GABBR2: variants seen among roughly 807,000 people sequenced by gnomAD.
The protein encoded by GABBR2 is gamma-aminobutyric acid type B receptor subunit 2, also known as G-protein coupled receptor 51.
GABBR2 carries 23 observed loss-of-function variants against 105.6 expected under a neutral mutation model. The ratio of observed to expected loss-of-function variants is 0.22; its 90% CI spans 0.16 to 0.31. The LOEUF (loss-of-function observed/expected upper bound fraction) is 0.31. Ranked by LOEUF, GABBR2 falls within the 10% of genes least tolerant of loss-of-function variation. The pLI is 1.00. For missense variants in GABBR2, 734 were observed against 1,245.5 expected, an observed-to-expected ratio of 0.59 and a Z score of 6.18; for synonymous variants, 478 against 499.7, an observed-to-expected ratio of 0.96 and a Z score of 0.58.
chr9:98,376,593 G>T (rs111764342), intron 11 of GABBR2, among the ~76,000 whole-genome samples: 8 of 152,330 alleles, frequency 5.3e-5, no homozygotes, highest in African/African-American at 1.9e-4. Flanking sequence ...GGGAAGCTGA[G>T]AGGCCTGAGG....
chr9:98,676,450 T>C (rs1175207794), intron 1 of GABBR2, among the ~76,000 whole-genome samples: 1 of 152,240 alleles, frequency 6.6e-6, no homozygotes, highest in East Asian at 1.9e-4. Flanking sequence ...ATTATCTAGC[T>C]AGAGATTAAA....
intron 2 of GABBR2, among the ~76,000 whole-genome samples, chr9:98,549,812 C>G (rs1003108164): frequency 6.6e-6 from 1 of 152,204 alleles, no homozygotes; most frequent in African/African-American, 2.4e-5. Flanking sequence ...CATTCTTTCA[C>G]TCCCACCCCA....
chr9:98,430,299 A>T (rs959246586), intron 7 of GABBR2, among the ~76,000 whole-genome samples: 1 of 151,938 alleles, frequency 6.6e-6, no homozygotes, highest in Non-Finnish European at 1.5e-5. Flanking sequence ...AAAAAAAAAA[A>T]AAAAAAAAAA....
rs762171367 is a variant in GABBR2 at position 98,303,410 on chromosome 9, C to T, written c.2243G>A (p.Arg748Lys). 2 of 1,614,070 alleles carry T rather than the reference C, an allele frequency of 1.2e-6. No homozygotes were observed. Among genetic ancestry groups the T allele is most frequent in the Admixed American group, 1.7e-5 (1 of 60,020 alleles). ...LVFVPKLITL[R>K]TNPDAATQNR... ...CTGCGTTGCTGCATCTGGGTTTGTT[C>T]TCAGGGTGATGAGCTGAAAGGACAA... The change falls in exon 16 of 19, where the codon AGA (arginine) becomes AAA (lysine). Residue 748 changes from arginine to lysine, a missense_variant. Coordinates refer to ENST00000259455, the MANE Select transcript of GABBR2 (RefSeq NM_005458.8).
intron 3 of GABBR2, among the ~76,000 whole-genome samples, chr9:98,518,130 C>G (rs972822588): frequency 6.6e-6 from 1 of 152,166 alleles, no homozygotes; most frequent in African/African-American, 2.4e-5. Context: ...GCTGCTCCTC[C>G]CAATTCCAGT....
chr9:98,648,633 G>T (rs893184043), intron 1 of GABBR2, among the ~76,000 whole-genome samples: 7 of 152,040 alleles, frequency 4.6e-5, no homozygotes, highest in Non-Finnish European at 1.0e-4. Flanking sequence ...TCACATGATG[G>T]GTCTGGACTA....
In GABBR2 at chr9:98,708,441, G is replaced by C; in HGVS notation, c.297C>G (p.Leu99=). The C allele has an allele frequency of 6.5e-7, 1 of 1,546,246 alleles. No homozygotes were observed. The highest frequency in any genetic ancestry group is 8.8e-7 in the Non-Finnish European group (1 of 1,141,292). The change falls in exon 1 of 19, where the codon CTC becomes CTG. Residue 99 remains leucine, a synonymous_variant. Transcript: ENST00000259455. ...RNESLLRPYF[L]DLRLYDTECD... The stretch of plus-strand genomic sequence containing the variant: ...CCTCCGTGTCATAGAGCCGCAGGTC[G>C]AGGAAGTAGGGGCGCAGGAGTGACT...
chr9:98,396,839 T>C (rs867051140), intron 8 of GABBR2, among the ~76,000 whole-genome samples: 1 of 152,190 alleles, frequency 6.6e-6, no homozygotes, highest in African/African-American at 2.4e-5. Context: ...CGCTGCTGTA[T>C]GCACCGTCCC....
intron 13 of GABBR2, among the ~76,000 whole-genome samples, chr9:98,337,144 A>C (rs1362012764): frequency 1.3e-5 from 2 of 152,044 alleles, no homozygotes; most frequent in Non-Finnish European, 2.9e-5. Flanking sequence ...GTCTCTACTA[A>C]AAATACAAAA....
rs149500348 is a variant in GABBR2 at position 98,498,886 on chromosome 9, T to C, written c.631-2372A>G. 1.0e-3 allele frequency among the ~76,000 whole-genome samples: 158 copies of C among 152,364 alleles called. 2 individuals are homozygous for C. The East Asian group carries it at 0.03, about 29-fold the overall frequency. ...AGGTGTTGTGGAACAACAGTCATTA[T>C]TAAACAGGGAAAACATGCACATGTG... On this transcript the variant is annotated intron_variant, in intron 3 of 18. Coordinates refer to ENST00000259455, the MANE Select transcript of GABBR2 (RefSeq NM_005458.8).
At chr9:98,423,739 G>A (rs1832825791) in intron 7 of GABBR2, among the ~76,000 whole-genome samples, 2 of 152,192 alleles carry the variant, frequency 1.3e-5, no homozygotes, top group South Asian at 2.1e-4. Context: ...ATGGTTTTAG[G>A]TGTAACGTTT....
chr9:98,574,414 A>G (rs1451610008), intron 2 of GABBR2, among the ~76,000 whole-genome samples: 1 of 152,178 alleles, frequency 6.6e-6, no homozygotes, highest in Non-Finnish European at 1.5e-5. Context: ...AGGCAGCCCT[A>G]TGGAGACCTC....
chr9:98,587,960 T>C (rs145155909), intron 1 of GABBR2, among the ~76,000 whole-genome samples: 9 of 152,332 alleles, frequency 5.9e-5, no homozygotes, highest in African/African-American at 2.2e-4. Context: ...TTATAATATA[T>C]GCATAGAGAG....
intron 1 of GABBR2, among the ~76,000 whole-genome samples, chr9:98,583,177 G>T (rs1311570443): frequency 6.6e-6 from 1 of 152,194 alleles, no homozygotes; most frequent in Non-Finnish European, 1.5e-5. Flanking sequence ...GAGCAACTTT[G>T]CAGTGAATAA....
At chr9:98,329,732 A>T (rs1392612945) in intron 13 of GABBR2, among the ~76,000 whole-genome samples, 2 of 151,962 alleles carry the variant, frequency 1.3e-5, no homozygotes, top group Non-Finnish European at 2.9e-5. Context: ...TTTTTCTCAT[A>T]CAGCAAAGCT....
At chr9:98,350,513 T>G (rs557571122) in intron 13 of GABBR2, among the ~76,000 whole-genome samples, 12 of 152,258 alleles carry the variant, frequency 7.9e-5, no homozygotes, top group African/African-American at 2.9e-4. Context: ...TGTTTAGGAG[T>G]ATGTTGTTTA....
At chr9:98,463,372 T>C (rs143421938) in intron 6 of GABBR2, among the ~76,000 whole-genome samples, 10 of 152,312 alleles carry the variant, frequency 6.6e-5, no homozygotes, top group Admixed American at 6.5e-4. Flanking sequence ...AGAAAGTATG[T>C]ATGTATGTGT....
chr9:98,515,065 G>A (rs1331841316), intron 3 of GABBR2, among the ~76,000 whole-genome samples: 1 of 152,170 alleles, frequency 6.6e-6, no homozygotes, highest in African/African-American at 2.4e-5. Context: ...ACAAGAGAAT[G>A]AGCCAAGGAA....
At chr9:98,513,790 C>A (rs982345807) in intron 3 of GABBR2, among the ~76,000 whole-genome samples, 9 of 152,122 alleles carry the variant, frequency 5.9e-5, no homozygotes, top group African/African-American at 2.2e-4. Flanking sequence ...GAAATAGGAA[C>A]ACTTTTACAC....
Sources: allele counts gnomAD v4.1 joint callset (sites outside exome capture counted in the v4.1 genomes callset), GRCh38; gene constraint gnomAD v4.1.1; transcripts MANE v1.5; gene names NCBI Gene and HGNC (gene_info 2026-07-23, HGNC 2026-07-21).